KCNMA1: variants seen among roughly 807,000 people sequenced by gnomAD.
The protein encoded by KCNMA1 is potassium calcium-activated channel subfamily M alpha 1.
Under a neutral mutation model 140.0 loss-of-function variants are expected in KCNMA1, and 29 were observed. The ratio of observed to expected loss-of-function variants is 0.21; its 90% confidence interval spans 0.15 to 0.28. The LOEUF (loss-of-function observed/expected upper bound fraction) is 0.28, where lower values mean the gene tolerates loss of function less well. KCNMA1 is among the 10% of genes least tolerant of loss of function. The pLI is 1.00. For synonymous variants in KCNMA1, 612 were observed against 611.9 expected (o/e 1.00, Z 0.00); for missense variants, 880 against 1,602.2 (o/e 0.55, Z 7.70).
intron 1 of KCNMA1, among the ~76,000 whole-genome samples, chr10:77,470,706 G>T (rs1013339135): frequency 6.6e-6 from 1 of 152,142 alleles, no homozygotes; most frequent in Admixed American, 6.5e-5. Flanking sequence ...CTGTGTGCAG[G>T]CTCCGCCATC....
Position 76,910,077 on chromosome 10 carries a change from C to T in KCNMA1, c.3036G>A (p.Gln1012=), listed in dbSNP as rs776956387. The T allele has an allele frequency of 6.2e-7, 1 of 1,614,062 alleles. No individual in the cohort carries two copies. The highest frequency in any genetic ancestry group is 1.1e-5 in the South Asian group (1 of 91,088). ...CATCATCATCGTCTTGGTCCAAAAA[C>T]TGAACATTAGTATCGTTCACTAGAA... is the stretch of plus-strand genomic sequence containing the variant. ...ITELVNDTNV[Q]FLDQDDDDDP... Residue 1012 remains glutamine (Q), a synonymous_variant, in exon 25 of 28, where the codon CAG becomes CAA. Coordinates refer to ENST00000286628, the MANE Select transcript of KCNMA1 (RefSeq NM_001161352.2).
intron 20 of KCNMA1, among the ~76,000 whole-genome samples, chr10:76,958,224 C>T (rs2069219477): frequency 6.6e-6 from 1 of 152,168 alleles, no homozygotes; most frequent in South Asian, 2.1e-4. Flanking sequence ...GATAGAGACC[C>T]ACTTCCAAAG....
chr10:76,971,625 C>T (rs1186976174), intron 19 of KCNMA1, among the ~76,000 whole-genome samples: 1 of 152,080 alleles, frequency 6.6e-6, no homozygotes, highest in Admixed American at 6.5e-5. Flanking sequence ...CCACAGCCGA[C>T]CCCCTGTACC....
intron 1 of KCNMA1, among the ~76,000 whole-genome samples, chr10:77,513,537 G>C (rs2049184791): frequency 6.6e-6 from 1 of 152,172 alleles, no homozygotes. Flanking sequence ...AAACTGTAAA[G>C]TGCTGCATAA....
intron 1 of KCNMA1, among the ~76,000 whole-genome samples, chr10:77,577,436 G>A (rs553247838): frequency 1.3e-5 from 2 of 152,174 alleles, no homozygotes; most frequent in Admixed American, 1.3e-4. Context: ...ATCAAGGACC[G>A]GGAGAGACCG....
downstream of KCNMA1, chr10:76,874,081 A>C (rs1564647140): frequency 6.6e-6 from 1 of 152,182 alleles, no homozygotes; most frequent in African/African-American, 2.4e-5. Context: ...ACAACAAAAA[A>C]GGGAAGGCAG....
chr10:77,483,031 CACACACACA>C (rs2098418866), intron 1 of KCNMA1, among the ~76,000 whole-genome samples: 3 of 122,432 alleles, frequency 2.5e-5, no homozygotes, highest in African/African-American at 6.0e-5. Flanking sequence ...CACACACACA[CACACACACA>C]CCCCTTGTTC....
chr10:77,309,407 C>T (rs1303828994), intron 2 of KCNMA1: 5 of 152,236 alleles, frequency 3.3e-5, no homozygotes, highest in Admixed American at 2.0e-4. Flanking sequence ...TCTACAAAAG[C>T]TAAGCCAAGC....
chr10:77,592,242 C>A (rs967010379), intron 1 of KCNMA1, among the ~76,000 whole-genome samples: 11 of 152,174 alleles, frequency 7.2e-5, no homozygotes, highest in African/African-American at 2.7e-4. Context: ...AACTAACCAG[C>A]ACTCTTCACC....
intron 1 of KCNMA1, among the ~76,000 whole-genome samples, chr10:77,494,800 T>A (rs972717424): frequency 6.6e-6 from 1 of 152,178 alleles, no homozygotes; most frequent in African/African-American, 2.4e-5. Context: ...GACATGGAGA[T>A]GTCGTTGGGG....
At chr10:77,591,290 T>C (rs1309699693) in intron 1 of KCNMA1, among the ~76,000 whole-genome samples, 1 of 152,152 alleles carries the variant, frequency 6.6e-6, no homozygotes, top group Non-Finnish European at 1.5e-5. Flanking sequence ...ACAGATCGCA[T>C]GTGGTGGCAG....
intron 1 of KCNMA1, among the ~76,000 whole-genome samples, chr10:77,529,887 C>T (rs2057143123): frequency 6.6e-6 from 1 of 152,192 alleles, no homozygotes; most frequent in Admixed American, 6.5e-5. Context: ...CCGCTACTTT[C>T]TTCAAGGGAG....
At chr10:77,395,626 G>A (rs930225808) in intron 2 of KCNMA1, among the ~76,000 whole-genome samples, 4 of 152,332 alleles carry the variant, frequency 2.6e-5, no homozygotes, top group South Asian at 2.1e-4. Context: ...TGGCAATCTC[G>A]AGGAGGGGGA....
intron 1 of KCNMA1, among the ~76,000 whole-genome samples, chr10:77,550,815 G>T (rs868681376): frequency 7.9e-5 from 12 of 152,252 alleles, no homozygotes; most frequent in South Asian, 4.2e-4. Flanking sequence ...TTGTCCAGGT[G>T]GGGGGCTATT....
At chr10:77,111,545 T>G (rs2097324022) in intron 7 of KCNMA1, among the ~76,000 whole-genome samples, 1 of 152,268 alleles carries the variant, frequency 6.6e-6, no homozygotes, top group East Asian at 1.9e-4. Flanking sequence ...CCATCAGCAT[T>G]AAGGGCTGGG....
intron 3 of KCNMA1, among the ~76,000 whole-genome samples, chr10:77,212,088 A>C (rs1167452664): frequency 6.6e-6 from 1 of 152,224 alleles, no homozygotes; most frequent in African/African-American, 2.4e-5. Context: ...CAACAATCCC[A>C]CTACTGGGTA....
At chr10:77,087,205 G>A (rs2096711889) in intron 10 of KCNMA1, among the ~76,000 whole-genome samples, 1 of 152,060 alleles carries the variant, frequency 6.6e-6, no homozygotes, top group Non-Finnish European at 1.5e-5. Flanking sequence ...ATGACTCTCT[G>A]GCCCTCAGAC....
intron 1 of KCNMA1, among the ~76,000 whole-genome samples, chr10:77,566,318 C>T (rs1357624744): frequency 6.6e-6 from 1 of 152,190 alleles, no homozygotes; most frequent in African/African-American, 2.4e-5. Flanking sequence ...GGATCCTGCT[C>T]GGGGCACCAC....
intron 23 of KCNMA1, among the ~76,000 whole-genome samples, chr10:76,936,691 C>CA (rs1166072488): frequency 2.0e-5 from 3 of 152,092 alleles, no homozygotes; most frequent in South Asian, 2.1e-4. Flanking sequence ...AAACAGTGAG[C>CA]AGCCTGGGGG....
Sources: allele counts gnomAD v4.1 joint callset (sites outside exome capture counted in the v4.1 genomes callset), GRCh38; gene constraint gnomAD v4.1.1; transcripts MANE v1.5; gene names NCBI Gene and HGNC (gene_info 2026-07-23, HGNC 2026-07-21).